ORAI3: variants seen among roughly 807,000 people sequenced by gnomAD.
ORAI3 encodes protein orai-3.
ORAI3 carries 15 observed loss-of-function variants against 17.2 expected under a neutral mutation model. That is an observed-to-expected ratio of 0.87 (90% CI 0.58 to 1.34). The LOEUF is 1.34. Among genes scored for constraint, ORAI3 ranks in the 40% most tolerant of loss-of-function variants. The probability of loss-of-function intolerance (pLI) is 0.00; values close to 1 mark genes in which losing one functional copy is unlikely to be tolerated. For synonymous variants in ORAI3, 178 were observed against 172.4 expected, an observed-to-expected ratio of 1.03 and a Z score of -0.25; for missense variants, 405 against 396.7, an observed-to-expected ratio of 1.02 and a Z score of -0.18.
Position 30,949,533 on chromosome 16 carries a change from G to T in ORAI3, c.228+16G>T. On this transcript the variant is annotated intron_variant, in intron 1 of 1. Transcript: ENST00000318663. ...CTTCGCCATGGTGAGGGGCCGGGAG[G>T]GGTCACACCCGGTGGGGCAGAGCAA... The T allele has an allele frequency of 6.5e-7, 1 of 1,539,378 alleles. No individual in the cohort carries two copies.
Position 30,949,285 on chromosome 16 carries a change from C to CA in ORAI3, c.-5_-4insA, listed in dbSNP as rs1381379610. On this transcript the variant is annotated 5_prime_UTR_variant, in exon 1 of 2. Coordinates refer to ENST00000318663, the MANE Select transcript of ORAI3 (RefSeq NM_152288.3). Reference sequence around the variant, plus strand: ...GTGACCGCCTGGTGCCGCCCCCCCCCCAGGATGAAGGGCGGCGAGGGGGAC... The same window carrying CA: ...GTGACCGCCTGGTGCCGCCCCCCCCCACAGGATGAAGGGCGGCGAGGGGGAC... 7.8e-6 allele frequency: 11 copies of CA among 1,402,274 alleles called. No individual in the cohort carries two copies. The highest frequency in any genetic ancestry group is 1.0e-5 in the Non-Finnish European group (11 of 1,084,342). 86.9% of individuals were successfully genotyped at this position (1,402,274 alleles called of 1,614,324 possible). A position where few individuals can be genotyped will look rare whatever the true frequency, so the allele number is the denominator to read the frequency against.
At chr16:30,949,810 C>T in intron 1 of ORAI3, 2 of 383,590 alleles carry the variant, frequency 5.2e-6, no homozygotes, top group Non-Finnish European at 9.5e-6. Context: ...GCAGAGTGGT[C>T]CAGATGGAGC....
intron 1 of ORAI3, among the ~76,000 whole-genome samples, chr16:30,951,298 C>G (rs1366772318): frequency 6.6e-6 from 1 of 152,122 alleles, no homozygotes; most frequent in Non-Finnish European, 1.5e-5. Flanking sequence ...AGGCACTGCC[C>G]TCAGTGCCTT....
At position 30,953,401 on chromosome 16, in the gene ORAI3, C is replaced by T; in HGVS notation, c.445C>T (p.Leu149=). ...PHQRLHRYVE[L]AWGFSTALGT... is the part of the protein sequence containing the mutation. ...CCAGAGACTGCACCGCTACGTGGAG[C>T]TGGCCTGGGGCTTCTCCACTGCCCT... Residue 149 remains leucine (L), a synonymous_variant, in exon 2 of 2, where the codon CTG becomes TTG. Transcript: ENST00000318663. 6.2e-7 allele frequency: 1 copy of T among 1,614,280 alleles called. No individual in the cohort carries two copies. The highest frequency in any genetic ancestry group is 8.5e-7 in the Non-Finnish European group (1 of 1,180,046).
In ORAI3 at chr16:30,953,647, G is replaced by C; in HGVS notation, c.691G>C (p.Ala231Pro). Residue 231 changes from alanine (A) to proline (P), a missense_variant, in exon 2 of 2, where the codon GCC (alanine) becomes CCC (proline). Physicochemically the swap from Ala to Pro is conservative, Grantham distance 27 (BLOSUM62 -1). Coordinates refer to ENST00000318663, the MANE Select transcript of ORAI3 (RefSeq NM_152288.3). Reference protein sequence around the residue: ...QAEPACPPRQACGGGGAHGPG... With the variant: ...QAEPACPPRQPCGGGGAHGPG... ...TGAGCCAGCCTGCCCACCCCGGCAA[G>C]CCTGTGGTGGTGGTGGGGCCCATGG... 1 of 1,613,864 alleles carries C rather than the reference G, an allele frequency of 6.2e-7. No individual in the cohort carries two copies. The highest frequency in any genetic ancestry group is 1.1e-5 in the South Asian group (1 of 91,028).
At chr16:30,952,006 G>A (rs1040737765) in intron 1 of ORAI3, among the ~76,000 whole-genome samples, 2 of 152,170 alleles carry the variant, frequency 1.3e-5, no homozygotes, top group African/African-American at 4.8e-5. Context: ...ACTATAGCAA[G>A]AACAGCAAAC....
At chr16:30,951,952 A>G (rs921228335) in intron 1 of ORAI3, among the ~76,000 whole-genome samples, 2 of 152,210 alleles carry the variant, frequency 1.3e-5, no homozygotes, top group African/African-American at 4.8e-5. Flanking sequence ...GCAGTGGTCC[A>G]CAGTGTGCCG....
Position 30,953,213 on chromosome 16 carries a change from G to A in ORAI3, c.257G>A (p.Ser86Asn). ...GCCATGGTGGAGGTGCAGCTGGAGA[G>A]TGACCACGAGTACCCACCAGGCCTG... ...MVAMVEVQLE[S>N]DHEYPPGLLV... Residue 86 changes from serine to asparagine, a missense_variant, in exon 2 of 2, where the codon AGT becomes AAT. By Grantham distance (46) the Ser-to-Asn change is conservative. Transcript: ENST00000318663. 6.3e-7 allele frequency: 1 copy of A among 1,587,890 alleles called. No homozygotes were observed. The highest frequency in any genetic ancestry group is 8.6e-7 in the Non-Finnish European group (1 of 1,166,810).
At chr16:30,952,116 TTTC>T in intron 1 of ORAI3, among the ~76,000 whole-genome samples, 1 of 134,966 alleles carries the variant, frequency 7.4e-6, no homozygotes. Flanking sequence ...CTTTCTTTTC[TTTC>T]TTATCTTTCT....
In ORAI3 at chr16:30,949,432, C is replaced by G; in HGVS notation, c.143C>G (p.Ala48Gly). 1 of 1,606,644 alleles carries G rather than the reference C, an allele frequency of 6.2e-7. No homozygotes were observed. The highest frequency in any genetic ancestry group is 8.5e-7 in the Non-Finnish European group (1 of 1,178,004). The change falls in exon 1 of 2, where the codon GCG becomes GGG. Residue 48 changes from alanine to glycine, a missense_variant. Physicochemically the swap from Ala to Gly is moderately conservative, Grantham distance 60. Coordinates refer to ENST00000318663, the MANE Select transcript of ORAI3 (RefSeq NM_152288.3). The stretch of plus-strand genomic sequence containing the variant: ...GGGGCCAGTCAGCACTCGCTGCGGG[C>G]GCTCAGCTGGCGCCGCCTCTACCTC... The part of the protein sequence containing the change: ...LMGASQHSLR[A>G]LSWRRLYLSR...
chr16:30,953,849 G>T lies in ORAI3; in HGVS notation c.*5G>T. 6.2e-7 allele frequency: 1 copy of T among 1,600,840 alleles called. No individual in the cohort carries two copies. Among genetic ancestry groups the T allele is most frequent in the African/African-American group, 1.3e-5 (1 of 74,720 alleles). On this transcript the variant is annotated 3_prime_UTR_variant, in exon 2 of 2. Transcript: ENST00000318663. The stretch of plus-strand genomic sequence containing the variant: ...GGGGAGCTGCAGGCTGTGTGAGACT[G>T]GTGTTAGCCACCGCTCACTGCAAGC...
rs576699921 is a variant in ORAI3, at chr16:30,949,518, G to C, written c.228+1G>C. On this transcript the variant is annotated splice_donor_variant, in intron 1 of 1. Coordinates refer to ENST00000318663, the MANE Select transcript of ORAI3 (RefSeq NM_152288.3). LOFTEE classifies it high-confidence loss of function. ...TGCCTTGCTCTCGGGCTTCGCCATG[G>C]TGAGGGGCCGGGAGGGGTCACACCC... The C allele has an allele frequency of 1.4e-5, 22 of 1,583,084 alleles. No homozygotes were observed. The South Asian group carries it at 2.5e-4, about 18-fold the overall frequency.
chr16:30,953,124 G>A (rs182262943), intron 1 of ORAI3, 61 bp from the exon 2 acceptor site: 24 of 1,492,380 alleles, frequency 1.6e-5, no homozygotes, highest in African/African-American at 1.1e-4. Context: ...CCCGATAGGC[G>A]GAAAAAATCT....
intron 1 of ORAI3, 123 bp from the exon 2 acceptor site, chr16:30,953,062 G>A: frequency 1.1e-6 from 1 of 872,326 alleles, no homozygotes; most frequent in Non-Finnish European, 1.8e-6. Context: ...GAATGTCTCT[G>A]GTTTCTGCCA....
At position 30,949,915 on chromosome 16, in the gene ORAI3, T is replaced by A. The variant is rs568668661; in HGVS notation, c.228+398T>A. ...GCATCAACAGGTGGGGGGCTCGAGA[T>A]GGATTAGCTGGGTGGAAGGGTCACC... On this transcript the variant is annotated intron_variant, in intron 1 of 1. Transcript: ENST00000318663. 12 of 178,250 alleles carry A rather than the reference T, an allele frequency of 6.7e-5. No homozygotes were observed. In the South Asian group the frequency reaches 1.0e-3, roughly 15 times the overall value. 11.0% of individuals were successfully genotyped at this position (178,250 alleles called of 1,614,324 possible). A position where few individuals can be genotyped will look rare whatever the true frequency, so the allele number is the denominator to read the frequency against.
At chr16:30,951,205 G>A (rs2055923318) in intron 1 of ORAI3, among the ~76,000 whole-genome samples, 2 of 152,350 alleles carry the variant, frequency 1.3e-5, no homozygotes, top group East Asian at 3.9e-4. Flanking sequence ...AACCAGGGAT[G>A]GGGAGAGAGT....
chr16:30,952,819 C>T (rs898233901), intron 1 of ORAI3, among the ~76,000 whole-genome samples: 13 of 152,078 alleles, frequency 8.5e-5, no homozygotes, highest in African/African-American at 2.4e-4. Context: ...GCATGTGCCA[C>T]GATGCCCGGC....
intron 1 of ORAI3, among the ~76,000 whole-genome samples, chr16:30,951,710 CAA>C (rs562061259): frequency 6.7e-5 from 9 of 134,502 alleles, no homozygotes; most frequent in Non-Finnish European, 8.1e-5. Context: ...TGGCATCTAC[CAA>C]AAAAAAAAAA....
rs768725593 is a variant in ORAI3 at position 30,949,561 on chromosome 16, G to T, written c.228+44G>T. On this transcript the variant is annotated intron_variant, in intron 1 of 1. Transcript: ENST00000318663. ...TCACACCCGGTGGGGCAGAGCAAGT[G>T]GGGGGCACAGGTCGGGGGGGGGGCG... is the stretch of plus-strand genomic sequence containing the variant. 37 of 914,330 alleles carry T rather than the reference G, an allele frequency of 4.0e-5. No individual in the cohort carries two copies. In the Admixed American group the frequency reaches 7.6e-4, roughly 19 times the overall value. The allele number at this position is 914,330 out of a possible 1,614,324, so 56.6% of individuals were successfully genotyped here. A position where few individuals can be genotyped will look rare whatever the true frequency, so the allele number is the denominator to read the frequency against.
Sources: allele counts gnomAD v4.1 joint callset (sites outside exome capture counted in the v4.1 genomes callset), GRCh38; gene constraint gnomAD v4.1.1; transcripts MANE v1.5; gene names NCBI Gene and HGNC (gene_info 2026-07-23, HGNC 2026-07-21).